RAB39A: variants seen among roughly 807,000 people sequenced by gnomAD.
RAB39A encodes ras-related protein Rab-39A.
RAB39A carries 17 observed loss-of-function variants against 20.9 expected under a neutral mutation model. The observed-to-expected ratio is 0.81, with a 90% confidence interval of 0.56 to 1.22. The LOEUF (loss-of-function observed/expected upper bound fraction) is 1.22, where lower values mean the gene tolerates loss of function less well. RAB39A is among the 50% of genes most tolerant of loss of function. The probability of loss-of-function intolerance (pLI) is 0.00; values close to 1 mark genes in which losing one functional copy is unlikely to be tolerated. For missense variants in RAB39A, 234 were observed against 270.5 expected (o/e 0.87, Z 0.95); for synonymous variants, 99 against 103.4 (o/e 0.96, Z 0.26).
chr11:107,958,179 A>G (rs1861457782), intron 1 of RAB39A, among the ~76,000 whole-genome samples: 1 of 152,150 alleles, frequency 6.6e-6, no homozygotes, highest in South Asian at 2.1e-4. Context: ...GGTGAGAGCC[A>G]CTGCACCCCA....
intron 1 of RAB39A, among the ~76,000 whole-genome samples, chr11:107,930,447 C>T (rs1268135465): frequency 6.6e-6 from 1 of 152,160 alleles, no homozygotes; most frequent in Non-Finnish European, 1.5e-5. Flanking sequence ...TTGACCCCCC[C>T]TCTGAAGTGA....
chr11:107,934,943 A>G (rs1428398799), intron 1 of RAB39A, among the ~76,000 whole-genome samples: 1 of 151,380 alleles, frequency 6.6e-6, no homozygotes, highest in East Asian at 1.9e-4. Context: ...AAAAAAAAAA[A>G]AAAAAAAATA....
chr11:107,957,918 CAG>C (rs1291690518), intron 1 of RAB39A, among the ~76,000 whole-genome samples: 2 of 150,356 alleles, frequency 1.3e-5, no homozygotes, highest in South Asian at 2.1e-4. Flanking sequence ...TTTTTTGAGA[CAG>C]AGTCTCTGTC....
At chr11:107,941,365 A>G (rs1861257066) in intron 1 of RAB39A, among the ~76,000 whole-genome samples, 1 of 152,282 alleles carries the variant, frequency 6.6e-6, no homozygotes, top group African/African-American at 2.4e-5. Flanking sequence ...AGTGTAGGCA[A>G]TTCCTTAAAT....
chr11:107,937,219 C>T (rs1281623346), intron 1 of RAB39A, among the ~76,000 whole-genome samples: 1 of 151,546 alleles, frequency 6.6e-6, no homozygotes, highest in Non-Finnish European at 1.5e-5. Context: ...CACTGCAGCC[C>T]AAACTCTTGG....
At chr11:107,949,977 C>A (rs1308450135) in intron 1 of RAB39A, among the ~76,000 whole-genome samples, 1 of 151,638 alleles carries the variant, frequency 6.6e-6, no homozygotes. Context: ...TCGAGACCAT[C>A]CTGGCTAACA....
chr11:107,941,749 T>G (rs536482338), intron 1 of RAB39A, among the ~76,000 whole-genome samples: 11 of 152,272 alleles, frequency 7.2e-5, no homozygotes, highest in Non-Finnish European at 1.0e-4. Context: ...ATAGAAAGTC[T>G]ATGGGATTAC....
chr11:107,943,869 T>C (rs1025372667), intron 1 of RAB39A, among the ~76,000 whole-genome samples: 1 of 151,172 alleles, frequency 6.6e-6, no homozygotes, highest in African/African-American at 2.4e-5. Flanking sequence ...CTGAGGCGGG[T>C]GGATTACTTG....
intron 1 of RAB39A, among the ~76,000 whole-genome samples, chr11:107,954,342 A>C (rs1331689203): frequency 6.6e-6 from 1 of 152,190 alleles, no homozygotes; most frequent in Non-Finnish European, 1.5e-5. Context: ...AAATTTTTTC[A>C]TGGCGGGGTC....
At chr11:107,946,387 G>T (rs868611994) in intron 1 of RAB39A, among the ~76,000 whole-genome samples, 96 of 64,640 alleles carry the variant, frequency 1.5e-3, no homozygotes, top group Middle Eastern at 0.011. Context: ...TATATATGTG[G>T]GTGTATATAT....
chr11:107,931,863 C>CTTTTTTTTTTTTTTTTTTTT (rs35328521), intron 1 of RAB39A, among the ~76,000 whole-genome samples: 1 of 118,050 alleles, frequency 8.5e-6, no homozygotes, highest in African/African-American at 3.2e-5. Flanking sequence ...TTCTTTCCTT[C>CTTTTTTTTTTTTTTTTTTTT]TTTTTTTTTT....
chr11:107,959,042 C>A (rs1861468479), intron 1 of RAB39A, among the ~76,000 whole-genome samples: 1 of 151,860 alleles, frequency 6.6e-6, no homozygotes, highest in African/African-American at 2.4e-5. Context: ...ATTGCTTGAA[C>A]CTAGGAGGCA....
intron 1 of RAB39A, among the ~76,000 whole-genome samples, chr11:107,943,066 A>G (rs1405937660): frequency 1.3e-5 from 2 of 152,190 alleles, no homozygotes; most frequent in Non-Finnish European, 2.9e-5. Context: ...CTCAGTGACT[A>G]CACTGCTACA....
intron 1 of RAB39A, among the ~76,000 whole-genome samples, chr11:107,933,163 G>C (rs1050223811): frequency 5.3e-5 from 8 of 152,124 alleles, no homozygotes; most frequent in Admixed American, 5.2e-4. Flanking sequence ...AGCAATGTTA[G>C]CTGTAGAATG....
At chr11:107,957,726 A>G (rs143163093) in intron 1 of RAB39A, among the ~76,000 whole-genome samples, 2 of 152,282 alleles carry the variant, frequency 1.3e-5, no homozygotes, top group East Asian at 3.9e-4. Context: ...CATTCTTGCC[A>G]GAGAATAGTC....
At chr11:107,946,478 T>A (rs1364603564) in intron 1 of RAB39A, among the ~76,000 whole-genome samples, 1 of 91,584 alleles carries the variant, frequency 1.1e-5, no homozygotes, top group Non-Finnish European at 2.2e-5. Flanking sequence ...TTTTTTTTTT[T>A]TTTTTTTTTT....
chr11:107,959,796 A>C (rs1247994041), intron 1 of RAB39A, among the ~76,000 whole-genome samples: 1 of 152,228 alleles, frequency 6.6e-6, no homozygotes, highest in Non-Finnish European at 1.5e-5. Flanking sequence ...ATTCACAAAG[A>C]TCTTGGTGCC....
At chr11:107,929,485 G>GGTGTGTGTGT (rs10687737) in intron 1 of RAB39A, among the ~76,000 whole-genome samples, 14 of 149,598 alleles carry the variant, frequency 9.4e-5, no homozygotes, top group East Asian at 2.0e-4. Context: ...CACAGCTGAG[G>GGTGTGTGTGT]GTGTGTGTGT....
chr11:107,937,617 G>C (rs1861208979), intron 1 of RAB39A, among the ~76,000 whole-genome samples: 1 of 151,374 alleles, frequency 6.6e-6, no homozygotes, highest in Non-Finnish European at 1.5e-5. Flanking sequence ...CTCACTGCAA[G>C]CTCCGCCTCC....
Sources: gnomAD v4.1 joint callset for allele counts (sites outside exome capture counted in the v4.1 genomes callset) on GRCh38, gnomAD v4.1.1 for gene constraint, MANE v1.5 for transcripts, NCBI Gene and HGNC (gene_info 2026-07-23, HGNC 2026-07-21) for gene names.